The following ARHGEF17 variants were observed in gnomAD, a reference collection of about 807,000 sequenced individuals.
ARHGEF17 encodes Rho guanine nucleotide exchange factor 17, also known as 164 kDa Rho-specific guanine-nucleotide exchange factor.
A neutral mutation model predicts 174.0 loss-of-function variants in ARHGEF17; 80 were observed. The observed-to-expected ratio is 0.46, with a 90% CI of 0.38 to 0.55. ARHGEF17 has a LOEUF of 0.55. Ranked by LOEUF, ARHGEF17 falls within the 20% of genes least tolerant of loss-of-function variation. The pLI is 0.00. For synonymous variants in ARHGEF17, 1,311 were observed against 1,189.1 expected (o/e 1.10, Z -2.11); for missense variants, 2,886 against 2,839.7 (o/e 1.02, Z -0.37).
chr11:73,336,427 G>A (rs1274496055), intron 1 of ARHGEF17, among the ~76,000 whole-genome samples: 1 of 152,198 alleles, frequency 6.6e-6, no homozygotes, highest in Non-Finnish European at 1.5e-5. Flanking sequence ...AGCGCAGTGG[G>A]TACGGGGGTC....
intron 1 of ARHGEF17, 124 bp downstream of exon 1, chr11:73,311,954 TC>T: frequency 9.0e-7 from 1 of 1,112,172 alleles, no homozygotes; most frequent in Admixed American, 2.9e-5. Context: ...GCTTTTCTGG[TC>T]CTGGAAGTGC....
chr11:73,365,804 G>T lies in ARHGEF17; in HGVS notation c.5852G>T (p.Gly1951Val). ...GVVLTMPTSP[G>V]TVSCPRAPLS... ...GTCCTCACCATGCCCACTTCGCCCGGTACTGTCAGCTGCCCACGGGCACCA... is the reference window on the plus strand; with the variant it reads ...GTCCTCACCATGCCCACTTCGCCCGTTACTGTCAGCTGCCCACGGGCACCA... Residue 1951 changes from glycine to valine, a missense_variant, in exon 20 of 21, where the codon GGT becomes GTT. Coordinates refer to ENST00000263674, the MANE Select transcript of ARHGEF17 (RefSeq NM_014786.4). This position sits in a 1 kb window ranked among gnomAD's most constrained non-coding sequence, Gnocchi z 4.9. The T allele has an allele frequency of 6.2e-7, 1 of 1,613,618 alleles. No individual in the cohort carries two copies. The highest frequency in any genetic ancestry group is 1.1e-5 in the South Asian group (1 of 91,084).
At chr11:73,317,045 T>G (rs143835536) in intron 1 of ARHGEF17, among the ~76,000 whole-genome samples, 5 of 152,110 alleles carry the variant, frequency 3.3e-5, no homozygotes, top group Non-Finnish European at 5.9e-5. Context: ...GGCTGGGCAG[T>G]GTGTGAGGGG....
intron 3 of ARHGEF17, among the ~76,000 whole-genome samples, chr11:73,354,331 G>C (rs946582308): frequency 1.3e-5 from 2 of 152,340 alleles, no homozygotes; most frequent in South Asian, 4.1e-4. Context: ...GTCCCAGGGT[G>C]GGGGTGGTTG....
Position 73,363,802 on chromosome 11 carries a change from C to T in ARHGEF17, c.5302C>T (p.Leu1768Phe). The T allele has an allele frequency of 5.0e-6, 8 of 1,614,064 alleles. No homozygotes were observed. The highest frequency in any genetic ancestry group is 6.8e-6 in the Non-Finnish European group (8 of 1,180,022). Residue 1768 changes from leucine (L) to phenylalanine (F), a missense_variant, in exon 16 of 21, where the codon CTC becomes TTC. By Grantham distance (22) the Leu-to-Phe change is conservative. Transcript: ENST00000263674. ...SIRDRRNSMKLQHAASVTCIL... is the reference protein window; with the variant it reads ...SIRDRRNSMKFQHAASVTCIL... The stretch of plus-strand genomic sequence containing the variant: ...CCGTGACCGCAGGAACAGCATGAAG[C>T]TCCAGCATGCGGCCTCTGTGACCTG...
intron 1 of ARHGEF17, among the ~76,000 whole-genome samples, chr11:73,321,294 C>T (rs574011410): frequency 6.6e-6 from 1 of 152,294 alleles, no homozygotes; most frequent in South Asian, 2.1e-4. Flanking sequence ...ACCACCAGCC[C>T]CACCCTGTGA....
rs752822214 is a variant in ARHGEF17, at chr11:73,310,965, A to G, written c.2327A>G (p.Asp776Gly). Residue 776 changes from aspartate (D) to glycine (G), a missense_variant, in exon 1 of 21, where the codon GAT (aspartate) becomes GGT (glycine). Around this residue, in one of 4 missense-constraint regions of ARHGEF17, gnomAD observed 1,728 missense variants for 1,461.2 expected, o/e 1.18. Coordinates refer to ENST00000263674, the MANE Select transcript of ARHGEF17 (RefSeq NM_014786.4). ...GGGCTCCCTGCCACCTCAGCCATGGATGAGGGCTTGACCAGTGGTCACAGT... is the reference window on the plus strand; with the variant it reads ...GGGCTCCCTGCCACCTCAGCCATGGGTGAGGGCTTGACCAGTGGTCACAGT... ...KTGLPATSAMDEGLTSGHSDW... is the reference protein window; with the variant it reads ...KTGLPATSAMGEGLTSGHSDW... 4.3e-6 allele frequency: 7 copies of G among 1,614,134 alleles called. No individual in the cohort carries two copies. Among genetic ancestry groups the G allele is most frequent in the African/African-American group, 4.0e-5 (3 of 75,042 alleles).
rs139419235 is a variant in ARHGEF17, at chr11:73,349,603, G to A, written c.3270+2643G>A. On this transcript the variant is annotated intron_variant, in intron 2 of 20. Coordinates refer to ENST00000263674, the MANE Select transcript of ARHGEF17 (RefSeq NM_014786.4). ...TGCACTCCAGCCTGGGTGACAGAGC[G>A]AGACTCTGTCTCAAAAAACAAAACA... Among the ~76,000 whole-genome samples the A allele has an allele frequency of 2.0e-3, 310 of 152,246 alleles. 2 individuals carry two copies. Among genetic ancestry groups the A allele is most frequent in the African/African-American group, 7.1e-3 (297 of 41,544 alleles).
Position 73,367,687 on chromosome 11 carries a change from T to C in ARHGEF17, c.6099T>C (p.Tyr2033=). The C allele has an allele frequency of 6.2e-7, 1 of 1,614,112 alleles. No individual in the cohort carries two copies. The highest frequency in any genetic ancestry group is 8.5e-7 in the Non-Finnish European group (1 of 1,179,992). ...KMLVISGGDG[Y]EDFRLSSGGG... is the part of the protein sequence containing the mutation. ...TGGTTATCAGTGGAGGTGATGGCTATGAGGACTTCCGACTCAGCAGTGGGG... is the reference window on the plus strand; with the variant it reads ...TGGTTATCAGTGGAGGTGATGGCTACGAGGACTTCCGACTCAGCAGTGGGG... Residue 2033 remains tyrosine (Y), a synonymous_variant, in exon 21 of 21, where the codon TAT becomes TAC. Transcript: ENST00000263674.
chr11:73,352,262 T>G (rs2134414954), intron 2 of ARHGEF17, among the ~76,000 whole-genome samples: 1 of 152,280 alleles, frequency 6.6e-6, no homozygotes, highest in East Asian at 1.9e-4. Flanking sequence ...AGGCGGAGGT[T>G]GCAGTGAGTT....
At chr11:73,350,491 T>C (rs966220589) in intron 2 of ARHGEF17, among the ~76,000 whole-genome samples, 2 of 152,220 alleles carry the variant, frequency 1.3e-5, no homozygotes, top group Non-Finnish European at 2.9e-5. Context: ...CTACACTGCC[T>C]AGAGCACAGT....
rs1865749680 is a variant in ARHGEF17 at position 73,362,124 on chromosome 11, C to G, written c.4579C>G (p.Gln1527Glu). The change falls in exon 13 of 21, where the codon CAG becomes GAG. Residue 1527 changes from glutamine (Q) to glutamate (E), a missense_variant. By Grantham distance (29) the Gln-to-Glu change is conservative. Transcript: ENST00000263674. Reference protein sequence around the residue: ...WVCNSDGYVGQVCLLSLRAEP... With the variant: ...WVCNSDGYVGEVCLLSLRAEP... ...CTGCAACAGCGACGGCTACGTGGGC[C>G]AGGTGTGCCTGCTGAGCCTGCGCGC... is the stretch of plus-strand genomic sequence containing the variant. 2 of 1,612,096 alleles carry G rather than the reference C, an allele frequency of 1.2e-6. No homozygotes were observed. Among genetic ancestry groups the G allele is most frequent in the Non-Finnish European group, 1.7e-6 (2 of 1,179,790 alleles).
chr11:73,322,705 G>A (rs1389038317), intron 1 of ARHGEF17, among the ~76,000 whole-genome samples: 1 of 152,110 alleles, frequency 6.6e-6, no homozygotes, highest in Non-Finnish European at 1.5e-5. Flanking sequence ...GAACCAGGTT[G>A]AAAGCCTCAA....
Position 73,309,856 on chromosome 11 carries a change from T to C in ARHGEF17, c.1218T>C (p.Ser406=). The stretch of plus-strand genomic sequence containing the variant: ...CCCTCAAGGACGACGACCTATGGTC[T>C]AGTAGGGGTTCTGGGGGCTGGGGCG... The part of the protein sequence containing the change: ...TETLKDDDLW[S]SRGSGGWGVY... Residue 406 remains serine, a synonymous_variant, in exon 1 of 21, where the codon TCT becomes TCC. Transcript: ENST00000263674. 6.2e-7 allele frequency: 1 copy of C among 1,613,182 alleles called. No homozygotes were observed. Among genetic ancestry groups the C allele is most frequent in the Non-Finnish European group, 8.5e-7 (1 of 1,180,000 alleles).
intron 1 of ARHGEF17, among the ~76,000 whole-genome samples, chr11:73,342,733 G>T (rs1015476502): frequency 6.6e-6 from 1 of 152,008 alleles, no homozygotes; most frequent in East Asian, 1.9e-4. Flanking sequence ...ACATGTCGGC[G>T]CCTTTGTCCA....
chr11:73,346,874 T>C lies in ARHGEF17; in HGVS notation c.3193-9T>C, dbSNP rs759902317. 65 of 1,474,230 alleles carry C rather than the reference T, an allele frequency of 4.4e-5. No homozygotes were observed. The highest frequency in any genetic ancestry group is 5.9e-5 in the Non-Finnish European group (65 of 1,108,658). 91.3% of individuals were successfully genotyped at this position (1,474,230 alleles called of 1,614,324 possible). A position where few individuals can be genotyped will look rare whatever the true frequency, so the allele number is the denominator to read the frequency against. ...GACCCCTGTTCACCCTCTGCTCCTGTCCCCACAGGACATGCGGAAGCACGT... is the reference window on the plus strand; with the variant it reads ...GACCCCTGTTCACCCTCTGCTCCTGCCCCCACAGGACATGCGGAAGCACGT... On this transcript the variant is annotated splice_polypyrimidine_tract_variant and intron_variant, in intron 1 of 20. Coordinates refer to ENST00000263674, the MANE Select transcript of ARHGEF17 (RefSeq NM_014786.4).
chr11:73,325,163 C>T (rs1409575435), intron 1 of ARHGEF17, among the ~76,000 whole-genome samples: 3 of 152,190 alleles, frequency 2.0e-5, no homozygotes, highest in African/African-American at 7.2e-5. Context: ...ACAAAAAAAC[C>T]TTCCATATTT....
At chr11:73,312,003 C>T (rs539807958) in intron 1 of ARHGEF17, among the ~76,000 whole-genome samples, 173 bp downstream of exon 1, 7 of 152,332 alleles carry the variant, frequency 4.6e-5, no homozygotes, top group African/African-American at 9.6e-5. Context: ...CACAGGGCTC[C>T]TGTCTACTCA....
chr11:73,309,920 C>T lies in ARHGEF17; in HGVS notation c.1282C>T (p.Leu428=), dbSNP rs141928433. ...SPSFGAGEGL[L]RSQARTRAKG... Reference sequence around the variant, plus strand: ...TAGCTTTGGAGCTGGGGAAGGGCTCCTGCGGTCCCAGGCTCGAACCCGTGC... The same window carrying T: ...TAGCTTTGGAGCTGGGGAAGGGCTCTTGCGGTCCCAGGCTCGAACCCGTGC... Residue 428 remains leucine, a synonymous_variant, in exon 1 of 21, where the codon CTG becomes TTG. Coordinates refer to ENST00000263674, the MANE Select transcript of ARHGEF17 (RefSeq NM_014786.4). 4 of 1,613,382 alleles carry T rather than the reference C, an allele frequency of 2.5e-6. No homozygotes were observed. The highest frequency in any genetic ancestry group is 1.7e-5 in the Admixed American group (1 of 60,020).
Sources: allele counts gnomAD v4.1 joint callset (sites outside exome capture counted in the v4.1 genomes callset), GRCh38; gene constraint gnomAD v4.1.1; regional missense constraint gnomAD v4.1.1; non-coding constraint Gnocchi (gnomAD v3.1); transcripts MANE v1.5; gene names NCBI Gene and HGNC (gene_info 2026-07-23, HGNC 2026-07-21).